Variants in SEC24D observed in about 807,000 individuals in gnomAD.
SEC24D encodes the protein protein transport protein Sec24D.
Under a neutral mutation model 116.9 loss-of-function variants are expected in SEC24D, and 69 were observed. The ratio of observed to expected loss-of-function variants is 0.59; its 90% CI spans 0.49 to 0.72. The LOEUF is 0.72. SEC24D is among the 30% of genes least tolerant of loss of function. The pLI, the probability that SEC24D is intolerant of heterozygous loss-of-function variation, is 0.00. For missense variants in SEC24D, 1,131 were observed against 1,264.1 expected (o/e 0.89, Z 1.60); for synonymous variants, 405 against 442.8 (o/e 0.91, Z 1.07).
At chr4:118,820,541 G>A (rs1024147302) in intron 3 of SEC24D, among the ~76,000 whole-genome samples, 1 of 152,062 alleles carries the variant, frequency 6.6e-6, no homozygotes, top group Non-Finnish European at 1.5e-5. Context: ...AGCTGAGGTG[G>A]GAATCCAGGT....
At chr4:118,819,844 A>AT (rs1238227236) in intron 3 of SEC24D, among the ~76,000 whole-genome samples, 1 of 151,966 alleles carries the variant, frequency 6.6e-6, no homozygotes, top group South Asian at 2.1e-4. Context: ...AGCTTCAAGT[A>AT]TTTTTTTTAA....
At chr4:118,796,614 T>C (rs1729192088) in intron 8 of SEC24D, among the ~76,000 whole-genome samples, 1 of 152,086 alleles carries the variant, frequency 6.6e-6, no homozygotes, top group Non-Finnish European at 1.5e-5. Flanking sequence ...ACATCACACA[T>C]CTCTCTTTTC....
chr4:118,788,322 G>A (rs1728743994), intron 8 of SEC24D, among the ~76,000 whole-genome samples: 1 of 152,188 alleles, frequency 6.6e-6, no homozygotes, highest in Non-Finnish European at 1.5e-5. Context: ...CTGGATTTAT[G>A]AGATAACAGA....
chr4:118,818,753 A>G (rs974462855), intron 3 of SEC24D, among the ~76,000 whole-genome samples: 8 of 151,880 alleles, frequency 5.3e-5, no homozygotes, highest in Admixed American at 1.3e-4. Flanking sequence ...AATAAAATAC[A>G]TGTTGCAAGA....
At chr4:118,779,436 C>A (rs1259696264) in intron 8 of SEC24D, among the ~76,000 whole-genome samples, 1 of 152,240 alleles carries the variant, frequency 6.6e-6, no homozygotes. Context: ...ACAAGCCTTG[C>A]ATCCCAGGGA....
rs138874839 is a variant in SEC24D, at chr4:118,736,731, T to C, written c.2496+1530A>G. 4.0e-3 allele frequency among the ~76,000 whole-genome samples: 605 copies of C among 152,274 alleles called. 5 individuals are homozygous for C. Among genetic ancestry groups the C allele is most frequent in the Middle Eastern group, 0.014 (4 of 294 alleles). ...AGTTACATTATTTTTTAAAAACATA[T>C]CATTGGTTGAAAGGCACACTTGAAA... On this transcript the variant is annotated intron_variant, in intron 19 of 22. Transcript: ENST00000280551.
rs1383008063 is a variant in SEC24D at position 118,815,603 on chromosome 4, G to C, written c.521C>G (p.Pro174Arg). The C allele has an allele frequency of 6.2e-7, 1 of 1,614,200 alleles. No individual in the cohort carries two copies. The stretch of plus-strand genomic sequence containing the variant: ...ACCAGGACCATTGAGTGTGGTGGGT[G>C]GTGGTGGAAGAACTTGAGATCCAGG... ...LQPGSQVLPP[P>R]PTTLNGPGAS... Residue 174 changes from proline (P) to arginine (R), a missense_variant, in exon 5 of 23, where the codon CCA becomes CGA. Transcript: ENST00000280551.
chr4:118,747,886 A>C (rs1276352041), intron 13 of SEC24D, among the ~76,000 whole-genome samples: 1 of 152,230 alleles, frequency 6.6e-6, no homozygotes, highest in East Asian at 1.9e-4. Context: ...CAATACATTA[A>C]ACTACACAAA....
chr4:118,775,197 A>G (rs1728073578), intron 8 of SEC24D, among the ~76,000 whole-genome samples: 1 of 152,140 alleles, frequency 6.6e-6, no homozygotes, highest in Non-Finnish European at 1.5e-5. Flanking sequence ...CATGACTCAC[A>G]GGTCCAGCCT....
chr4:118,754,102 A>G (rs1726964432), intron 11 of SEC24D: 1 of 152,106 alleles, frequency 6.6e-6, no homozygotes, highest in Non-Finnish European at 1.5e-5. Context: ...TTTCTTCTCT[A>G]CTTCCTTCAC....
chr4:118,763,838 T>G (rs2110469175), intron 10 of SEC24D, among the ~76,000 whole-genome samples: 1 of 152,238 alleles, frequency 6.6e-6, no homozygotes, highest in Non-Finnish European at 1.5e-5. Flanking sequence ...GGCAGACATA[T>G]AAGAAGGTTT....
chr4:118,752,662 ATTTACT>A, intron 12 of SEC24D, 29 bp downstream of exon 12: 1 of 1,477,506 alleles, frequency 6.8e-7, no homozygotes, highest in Non-Finnish European at 9.2e-7. Flanking sequence ...AAAACACCTG[ATTTACT>A]TTTAAATTAT....
chr4:118,832,564 G>GT (rs148773083), intron 2 of SEC24D, among the ~76,000 whole-genome samples: 6,645 of 152,216 alleles, frequency 0.044, 200 homozygotes, highest in Non-Finnish European at 0.064. Flanking sequence ...TATGCAATTT[G>GT]TTTTTTGCCT....
chr4:118,764,770 G>A (rs1472303162), intron 10 of SEC24D, 32 bp downstream of exon 10: 2 of 1,159,296 alleles, frequency 1.7e-6, no homozygotes, highest in Admixed American at 1.7e-5. Flanking sequence ...TAACATCAAT[G>A]TATAAACACT....
rs1725240453 is a variant in SEC24D, at chr4:118,723,363, CAA to C, written c.*150_*151del. 2 of 709,514 alleles carry C rather than the reference CAA, an allele frequency of 2.8e-6. No individual in the cohort carries two copies. Among genetic ancestry groups the C allele is most frequent in the African/African-American group, 3.6e-5 (2 of 55,936 alleles). The allele number at this position is 709,514 out of a possible 1,614,324, so 44.0% of individuals were successfully genotyped here. A position where few individuals can be genotyped will look rare whatever the true frequency, so the allele number is the denominator to read the frequency against. The stretch of plus-strand genomic sequence containing the variant: ...CTTAATTGGCTTTATACCTGAGCAC[CAA>C]AGCTGAAGTTCTAAATGCCATCTCT... On this transcript the variant is annotated 3_prime_UTR_variant, in exon 23 of 23. Coordinates refer to ENST00000280551, the MANE Select transcript of SEC24D (RefSeq NM_014822.4).
At chr4:118,795,186 T>C (rs1426670576) in intron 8 of SEC24D, among the ~76,000 whole-genome samples, 1 of 151,670 alleles carries the variant, frequency 6.6e-6, no homozygotes, top group African/African-American at 2.4e-5. Context: ...GATACCTGCA[T>C]ACAAAGTCAG....
intron 3 of SEC24D, among the ~76,000 whole-genome samples, chr4:118,822,250 G>T (rs1730431073): frequency 1.3e-5 from 2 of 152,122 alleles, no homozygotes; most frequent in Non-Finnish European, 2.9e-5. Context: ...GCACACAGAG[G>T]TTAGGTAACT....
rs535299249 is a variant in SEC24D at position 118,750,450 on chromosome 4, GA to G, written c.1707+1545del. ...TGGAACTCTACACTCAGATCCTGTG[GA>G]ACCTTGGCTGTACAACTCTACTATG... On this transcript the variant is annotated intron_variant, in intron 13 of 22. Coordinates refer to ENST00000280551, the MANE Select transcript of SEC24D (RefSeq NM_014822.4). Among the ~76,000 whole-genome samples the G allele has an allele frequency of 2.0e-5, 3 of 152,282 alleles. No individual in the cohort carries two copies. The South Asian group carries it at 6.2e-4, about 32-fold the overall frequency.
At chr4:118,751,636 G>C (rs1726841216) in intron 13 of SEC24D, among the ~76,000 whole-genome samples, 1 of 152,196 alleles carries the variant, frequency 6.6e-6, no homozygotes, top group African/African-American at 2.4e-5. Context: ...GCCTTGGCCT[G>C]TCATGTTTGA....
Sources: gnomAD v4.1 joint callset for allele counts (sites outside exome capture counted in the v4.1 genomes callset) on GRCh38, gnomAD v4.1.1 for gene constraint, MANE v1.5 for transcripts, NCBI Gene and HGNC (gene_info 2026-07-23, HGNC 2026-07-21) for gene names.